Variants in KLF7 observed in about 807,000 individuals in gnomAD.
KLF7 encodes Krueppel-like factor 7.
Under a neutral mutation model 27.3 loss-of-function variants are expected in KLF7, and 2 were observed. The observed-to-expected ratio is 0.07, with a 90% CI of 0.03 to 0.23. The LOEUF is 0.23. KLF7 is among the 10% of genes least tolerant of loss of function. KLF7 has a pLI of 1.00. For synonymous variants in KLF7, 165 were observed against 162.4 expected, an observed-to-expected ratio of 1.02 and a Z score of -0.12; for missense variants, 221 against 394.1, an observed-to-expected ratio of 0.56 and a Z score of 3.72.
At chr2:207,161,998 A>G (rs2078561518) in intron 1 of KLF7, among the ~76,000 whole-genome samples, 1 of 152,214 alleles carries the variant, frequency 6.6e-6, no homozygotes, top group South Asian at 2.1e-4. Context: ...CCTCAATGAC[A>G]CGACGCAAAG....
chr2:207,081,546 G>A (rs754755453), intron 3 of KLF7, among the ~76,000 whole-genome samples: 1 of 152,182 alleles, frequency 6.6e-6, no homozygotes, highest in Non-Finnish European at 1.5e-5. Context: ...TAGGTGGGTT[G>A]TGAGGATTAA....
At chr2:207,153,591 A>T (rs1354468362) in intron 1 of KLF7, among the ~76,000 whole-genome samples, 2 of 151,902 alleles carry the variant, frequency 1.3e-5, no homozygotes, top group Non-Finnish European at 1.5e-5. Flanking sequence ...AAGTGAGAAA[A>T]ATAACTTCCA....
chr2:207,166,024 C>CA, upstream of KLF7: 1 of 682,776 alleles, frequency 1.5e-6, no homozygotes, highest in South Asian at 7.0e-5. Flanking sequence ...TCTTCCCCCC[C>CA]CTTCCCTTCC....
chr2:207,144,363 T>C (rs1365323385), intron 1 of KLF7, among the ~76,000 whole-genome samples: 1 of 152,190 alleles, frequency 6.6e-6, no homozygotes. Flanking sequence ...CCACTGTCAA[T>C]CATTTTTCAC....
intron 2 of KLF7, among the ~76,000 whole-genome samples, chr2:207,107,595 G>A (rs1033235397): frequency 1.3e-5 from 2 of 152,114 alleles, no homozygotes; most frequent in East Asian, 1.9e-4. Context: ...CCTTCAAGCC[G>A]CATCATTGCC....
chr2:207,124,522 G>C (rs559003649), intron 1 of KLF7, 118 bp from the exon 2 acceptor site: 1 of 989,662 alleles, frequency 1.0e-6, no homozygotes, highest in African/African-American at 1.6e-5. Context: ...GCTTGTATCA[G>C]AAATGCCTTA....
At chr2:207,136,098 G>A (rs1320929) in intron 1 of KLF7, among the ~76,000 whole-genome samples, 54,245 of 151,980 alleles carry the variant, frequency 0.36, 10,660 homozygotes, top group East Asian at 0.54. Context: ...TGGGAATCAG[G>A]TTCAGCGCCT....
intron 1 of KLF7, among the ~76,000 whole-genome samples, chr2:207,129,847 G>C (rs2077577136): frequency 6.6e-6 from 1 of 152,070 alleles, no homozygotes; most frequent in Non-Finnish European, 1.5e-5. Flanking sequence ...TTGTTGCTCA[G>C]AGGCAGAATT....
At chr2:207,110,279 G>A (rs141251965) in intron 2 of KLF7, among the ~76,000 whole-genome samples, 3 of 152,234 alleles carry the variant, frequency 2.0e-5, no homozygotes, top group African/African-American at 7.2e-5. Context: ...ACAGTGAATA[G>A]TAGGAAATGT....
intron 2 of KLF7, among the ~76,000 whole-genome samples, chr2:207,096,211 C>T (rs2076625328): frequency 6.6e-6 from 1 of 152,168 alleles, no homozygotes; most frequent in African/African-American, 2.4e-5. Context: ...GTAAACAAGT[C>T]CAAGTACTCC....
chr2:207,111,374 G>A (rs979881376), intron 2 of KLF7, among the ~76,000 whole-genome samples: 123 of 152,310 alleles, frequency 8.1e-4, no homozygotes, highest in Non-Finnish European at 1.6e-4. Context: ...TGAGCACAGG[G>A]TGTCCAGCTA....
chr2:207,089,442 T>C (rs1024010513), intron 2 of KLF7, among the ~76,000 whole-genome samples: 1 of 152,212 alleles, frequency 6.6e-6, no homozygotes, highest in African/African-American at 2.4e-5. Context: ...GTACATGACT[T>C]TGCCTTAGAC....
intron 1 of KLF7, among the ~76,000 whole-genome samples, chr2:207,152,408 A>G (rs1043941367): frequency 6.6e-6 from 1 of 150,994 alleles, no homozygotes; most frequent in Non-Finnish European, 1.5e-5. Flanking sequence ...GTCTGATGGG[A>G]AAAAAAAATT....
chr2:207,133,557 C>G (rs959039377), intron 1 of KLF7, among the ~76,000 whole-genome samples: 2 of 152,190 alleles, frequency 1.3e-5, no homozygotes, highest in African/African-American at 2.4e-5. Context: ...ATGGCCCTGT[C>G]GCTTTTTCAG....
chr2:207,124,428 A>G, intron 1 of KLF7, 24 bp from the exon 2 acceptor site: 2 of 1,534,468 alleles, frequency 1.3e-6, no homozygotes, highest in Non-Finnish European at 1.8e-6. Flanking sequence ...AAGGAGGGAG[A>G]GAAACAGCCA....
intron 2 of KLF7, among the ~76,000 whole-genome samples, chr2:207,091,510 G>A (rs2076511762): frequency 6.6e-6 from 1 of 152,102 alleles, no homozygotes; most frequent in Non-Finnish European, 1.5e-5. Context: ...CTATTATAGT[G>A]ATTTATCAAG....
upstream of KLF7, among the ~76,000 whole-genome samples, chr2:207,169,558 C>T (rs1011892565): frequency 6.6e-6 from 1 of 152,090 alleles, no homozygotes; most frequent in Non-Finnish European, 1.5e-5. Flanking sequence ...TATGGGCATA[C>T]CTCATTTTAT....
At chr2:207,152,924 G>A (rs1052235144) in intron 1 of KLF7, among the ~76,000 whole-genome samples, 3 of 152,124 alleles carry the variant, frequency 2.0e-5, no homozygotes, top group African/African-American at 4.8e-5. Context: ...AAGAGTGCAC[G>A]ATCTGTCTAA....
chr2:207,150,369 T>C (rs1379794115), intron 1 of KLF7, among the ~76,000 whole-genome samples: 1 of 152,120 alleles, frequency 6.6e-6, no homozygotes, highest in Non-Finnish European at 1.5e-5. Context: ...AGTACCACAA[T>C]TAAGGTTCAA....
Sources: gnomAD v4.1 joint callset for allele counts (sites outside exome capture counted in the v4.1 genomes callset) on GRCh38, gnomAD v4.1.1 for gene constraint, MANE v1.5 for transcripts, NCBI Gene and HGNC (gene_info 2026-07-23, HGNC 2026-07-21) for gene names.